ELF1: variants seen among roughly 807,000 people sequenced by gnomAD.
The protein encoded by ELF1 is E74 like ETS transcription factor 1, also known as ETS-related transcription factor Elf-1.
ELF1 carries 24 observed loss-of-function variants against 59.9 expected under a neutral mutation model. The observed-to-expected ratio is 0.40, with a 90% confidence interval of 0.29 to 0.56. ELF1 has a LOEUF of 0.56. Among genes scored for constraint, ELF1 ranks in the 20% least tolerant of loss-of-function variants. ELF1 has a pLI of 0.44. For missense variants in ELF1, 627 were observed against 742.2 expected (o/e 0.84, Z 1.80); for synonymous variants, 248 against 266.2 (o/e 0.93, Z 0.67).
intron 1 of ELF1, among the ~76,000 whole-genome samples, chr13:41,006,885 T>G (rs1017087995): frequency 1.4e-4 from 21 of 152,216 alleles, no homozygotes; most frequent in African/African-American, 4.6e-4. Context: ...TTGTATAGTA[T>G]ATTTTAAAAC....
chr13:40,946,672 C>T (rs1870530656), intron 5 of ELF1, among the ~76,000 whole-genome samples: 1 of 152,130 alleles, frequency 6.6e-6, no homozygotes, highest in South Asian at 2.1e-4. Context: ...CTTCCTCCTC[C>T]CTCCTCAGCC....
At chr13:40,992,953 C>CT in intron 1 of ELF1, 6 of 855,116 alleles carry the variant, frequency 7.0e-6, no homozygotes, top group Non-Finnish European at 1.2e-5. Flanking sequence ...TCTTTGATTA[C>CT]TTTTTTGTTC....
In ELF1 at chr13:40,933,813, G is replaced by A. The variant is rs766946264; in HGVS notation, c.1472C>T (p.Ala491Val). The change falls in exon 9 of 9, where the codon GCG becomes GTG. Residue 491 changes from alanine (A) to valine (V), a missense_variant. Physicochemically the swap from Ala to Val is moderately conservative, Grantham distance 64. Transcript: ENST00000239882. ...CAAGACAATTGAAGGAGGAGAGCCC[G>A]CCTTTTGTGACTGCAGCATGACATT... ...KENVMLQSQK[A>V]GSPPSIVLGP... 1.2e-5 allele frequency: 20 copies of A among 1,614,254 alleles called. No homozygotes were observed. Among genetic ancestry groups the A allele is most frequent in the East Asian group, 6.7e-5 (3 of 44,884 alleles).
intron 3 of ELF1, among the ~76,000 whole-genome samples, chr13:40,957,640 G>T (rs1871536089): frequency 6.6e-6 from 1 of 152,060 alleles, no homozygotes; most frequent in Admixed American, 6.6e-5. Flanking sequence ...AGTTTCCTGA[G>T]GTCTCCCCAG....
intron 1 of ELF1, among the ~76,000 whole-genome samples, chr13:40,990,850 C>CCA (rs372114192): frequency 9.5e-6 from 1 of 105,600 alleles, no homozygotes; most frequent in African/African-American, 3.8e-5. Context: ...GACTCTGTCT[C>CCA]AAAAAAAAAA....
At chr13:40,968,891 T>C (rs1872353656) in intron 2 of ELF1, among the ~76,000 whole-genome samples, 1 of 152,094 alleles carries the variant, frequency 6.6e-6, no homozygotes. Context: ...AGCTAATTTT[T>C]GTGTTTTTTG....
chr13:41,035,660 T>C (rs937181669), intron 1 of ELF1, among the ~76,000 whole-genome samples: 5 of 146,966 alleles, frequency 3.4e-5, no homozygotes, highest in East Asian at 2.0e-4. Flanking sequence ...CACCCCCATA[T>C]ACATTAATAG....
At chr13:40,935,898 C>T (rs1174572194) in intron 8 of ELF1, among the ~76,000 whole-genome samples, 1 of 152,052 alleles carries the variant, frequency 6.6e-6, no homozygotes, top group Non-Finnish European at 1.5e-5. Context: ...TGTTCTTGAA[C>T]TCCTGACATC....
At position 40,954,593 on chromosome 13, in the gene ELF1, G is replaced by A. The variant is rs1353604270; in HGVS notation, c.254-3157C>T. ...CTGCCGAGTGCCTGCGATTGCAGGC[G>A]CGCGCCGCCACGCCTGACTGGTTTT... On this transcript the variant is annotated intron_variant, in intron 3 of 8. Transcript: ENST00000239882. Among the ~76,000 whole-genome samples the A allele has an allele frequency of 3.4e-3, 520 of 152,118 alleles. 2 individuals carry two copies. Among genetic ancestry groups the A allele is most frequent in the African/African-American group, 0.012 (484 of 41,536 alleles).
chr13:40,938,748 T>C lies in ELF1; in HGVS notation c.1256+2173A>G, dbSNP rs1246948019. Among the ~76,000 whole-genome samples, 25 of 151,934 alleles carry C rather than the reference T, an allele frequency of 1.6e-4. 1 individual carries two copies. Among genetic ancestry groups the C allele is most frequent in the Admixed American group, 1.6e-3 (25 of 15,264 alleles). On this transcript the variant is annotated intron_variant, in intron 8 of 8. Transcript: ENST00000239882. ...TAATTATATATATAATCATATACAT[T>C]CCATCTTCTCTCAACCACAGGGAAA... is the stretch of plus-strand genomic sequence containing the variant.
At chr13:40,936,235 G>T (rs1343187269) in intron 8 of ELF1, among the ~76,000 whole-genome samples, 1 of 152,046 alleles carries the variant, frequency 6.6e-6, no homozygotes, top group Non-Finnish European at 1.5e-5. Context: ...ACAGACTGCC[G>T]CCACTTAAGT....
chr13:40,986,104 TTA>T (rs1873535759), intron 1 of ELF1, among the ~76,000 whole-genome samples: 1 of 152,190 alleles, frequency 6.6e-6, no homozygotes, highest in Non-Finnish European at 1.5e-5. Context: ...ACAGGAATAC[TTA>T]GCAACAAGGT....
Position 40,933,655 on chromosome 13 carries a change from G to C in ELF1, c.1630C>G (p.Leu544Val). The change falls in exon 9 of 9, where the codon CTG becomes GTG. Residue 544 changes from leucine to valine, a missense_variant. By Grantham distance (32) the Leu-to-Val change is conservative. Coordinates refer to ENST00000239882, the MANE Select transcript of ELF1 (RefSeq NM_172373.4). ...VVTFSPRSSQ[L>V]VAHPPGTVIT... Reference sequence around the variant, plus strand: ...ACAGTGCCAGGTGGGTGAGCAACCAGCTGTGAACTGCGAGGAGAAAAGGTC... The same window carrying C: ...ACAGTGCCAGGTGGGTGAGCAACCACCTGTGAACTGCGAGGAGAAAAGGTC... 1 of 1,614,250 alleles carries C rather than the reference G, an allele frequency of 6.2e-7. No homozygotes were observed. The highest frequency in any genetic ancestry group is 1.1e-5 in the South Asian group (1 of 91,088).
intron 1 of ELF1, among the ~76,000 whole-genome samples, chr13:41,003,033 A>C (rs1237662321): frequency 1.3e-5 from 2 of 152,224 alleles, no homozygotes; most frequent in Non-Finnish European, 2.9e-5. Flanking sequence ...ACTTACTAAA[A>C]TTCTTCATTA....
chr13:41,044,520 C>G (rs1177526140), intron 1 of ELF1, among the ~76,000 whole-genome samples: 1 of 152,160 alleles, frequency 6.6e-6, no homozygotes, highest in Non-Finnish European at 1.5e-5. Context: ...TGAATTTTGT[C>G]AAAGGCCTTC....
intron 8 of ELF1, among the ~76,000 whole-genome samples, chr13:40,935,640 C>T (rs1391302624): frequency 6.6e-6 from 1 of 151,580 alleles, no homozygotes; most frequent in East Asian, 1.9e-4. Flanking sequence ...GAGATGGGAG[C>T]CTGGGTACAG....
At chr13:41,044,243 G>C (rs1451195508) in intron 1 of ELF1, among the ~76,000 whole-genome samples, 4 of 152,148 alleles carry the variant, frequency 2.6e-5, no homozygotes, top group African/African-American at 4.8e-5. Flanking sequence ...CATCTGCAAA[G>C]AGGGCCAATT....
chr13:40,973,475 TA>T (rs796998137), intron 2 of ELF1, among the ~76,000 whole-genome samples: 92 of 152,292 alleles, frequency 6.0e-4, no homozygotes, highest in African/African-American at 2.0e-3. Flanking sequence ...CCAGTTACAC[TA>T]ACTGTTTATA....
At chr13:40,942,749 T>C (rs1276415322) in intron 7 of ELF1, among the ~76,000 whole-genome samples, 1 of 152,158 alleles carries the variant, frequency 6.6e-6, no homozygotes, top group Non-Finnish European at 1.5e-5. Context: ...CTTAAACTCC[T>C]GGACTCAAGC....
Sources: gnomAD v4.1 joint callset for allele counts (sites outside exome capture counted in the v4.1 genomes callset) on GRCh38, gnomAD v4.1.1 for gene constraint, MANE v1.5 for transcripts, NCBI Gene and HGNC (gene_info 2026-07-23, HGNC 2026-07-21) for gene names.